Variants in CACNB4 observed in about 807,000 individuals in gnomAD.
The protein encoded by CACNB4 is calcium voltage-gated channel auxiliary subunit beta 4.
Under a neutral mutation model 71.2 loss-of-function variants are expected in CACNB4, and 32 were observed. The ratio of observed to expected loss-of-function variants is 0.45; its 90% CI spans 0.34 to 0.60. CACNB4 has a LOEUF of 0.60. CACNB4 is among the 20% of genes least tolerant of loss of function. The pLI is 0.01. For missense variants in CACNB4, 464 were observed against 647.9 expected, an observed-to-expected ratio of 0.72 and a Z score of 3.08; for synonymous variants, 231 against 236.9, an observed-to-expected ratio of 0.97 and a Z score of 0.23.
chr2:152,011,508 C>T (rs975518691), intron 2 of CACNB4, among the ~76,000 whole-genome samples: 1 of 152,194 alleles, frequency 6.6e-6, no homozygotes, highest in Non-Finnish European at 1.5e-5. Context: ...ATTCTTTGAA[C>T]CCTCATAGAA....
intron 2 of CACNB4, among the ~76,000 whole-genome samples, chr2:152,081,060 T>C (rs1247447869): frequency 1.3e-5 from 2 of 152,262 alleles, no homozygotes; most frequent in East Asian, 3.9e-4. Flanking sequence ...TCTTTATAAG[T>C]TACCCAGTCT....
intron 2 of CACNB4, among the ~76,000 whole-genome samples, chr2:152,096,922 G>C (rs1181680894): frequency 1.3e-5 from 2 of 152,146 alleles, no homozygotes; most frequent in Non-Finnish European, 2.9e-5. Flanking sequence ...TTGCAACAAT[G>C]AAACACCACT....
At chr2:151,994,450 C>T (rs1681923311) in intron 2 of CACNB4, among the ~76,000 whole-genome samples, 1 of 150,024 alleles carries the variant, frequency 6.7e-6, no homozygotes, top group African/African-American at 2.5e-5. Context: ...AAGTGATCTG[C>T]CCACCTTGGC....
intron 2 of CACNB4, among the ~76,000 whole-genome samples, chr2:152,047,581 CCT>C (rs1438314805): frequency 6.6e-6 from 1 of 152,136 alleles, no homozygotes; most frequent in Non-Finnish European, 1.5e-5. Context: ...GAAATGAACC[CCT>C]GCCTTTAAAA....
chr2:151,887,770 T>G (rs960769924), intron 2 of CACNB4, among the ~76,000 whole-genome samples: 1 of 152,180 alleles, frequency 6.6e-6, no homozygotes, highest in African/African-American at 2.4e-5. Context: ...TAATAATGTA[T>G]ACCTTGTAGA....
intron 2 of CACNB4, among the ~76,000 whole-genome samples, chr2:151,919,858 A>C (rs1370408080): frequency 6.6e-6 from 1 of 151,878 alleles, no homozygotes; most frequent in Non-Finnish European, 1.5e-5. Context: ...ACAAACAACA[A>C]CAACAACAAC....
At chr2:152,065,294 G>A (rs553250196) in intron 2 of CACNB4, among the ~76,000 whole-genome samples, 2 of 151,776 alleles carry the variant, frequency 1.3e-5, no homozygotes, top group East Asian at 3.9e-4. Context: ...TGAGGCAGGA[G>A]AATCACTTGA....
chr2:151,979,523 T>C (rs1001608558), intron 2 of CACNB4, among the ~76,000 whole-genome samples: 1 of 152,066 alleles, frequency 6.6e-6, no homozygotes, highest in Admixed American at 6.5e-5. Context: ...TTTTCATGAA[T>C]GCTACCCAAC....
At chr2:152,074,572 A>G (rs972997619) in intron 2 of CACNB4, among the ~76,000 whole-genome samples, 4 of 149,158 alleles carry the variant, frequency 2.7e-5, no homozygotes, top group Non-Finnish European at 4.5e-5. Context: ...CTGTCACCAC[A>G]GCATAATCAC....
chr2:151,860,447 T>C, intron 10 of CACNB4: 1 of 481,142 alleles, frequency 2.1e-6, no homozygotes, highest in Non-Finnish European at 3.7e-6. Flanking sequence ...TTCATGTAGT[T>C]AGGCAGGAAA....
intron 2 of CACNB4, among the ~76,000 whole-genome samples, chr2:152,085,062 A>G (rs1687576701): frequency 6.6e-6 from 1 of 152,206 alleles, no homozygotes; most frequent in African/African-American, 2.4e-5. Context: ...AGATTCACAG[A>G]GAATATTGAA....
chr2:152,089,234 C>T (rs1468335000), intron 2 of CACNB4, among the ~76,000 whole-genome samples: 1 of 152,218 alleles, frequency 6.6e-6, no homozygotes, highest in Non-Finnish European at 1.5e-5. Flanking sequence ...AAAAGCAGGA[C>T]AATACTGACT....
intron 2 of CACNB4, among the ~76,000 whole-genome samples, chr2:151,912,415 T>C (rs947231650): frequency 1.3e-5 from 2 of 152,260 alleles, no homozygotes; most frequent in African/African-American, 4.8e-5. Flanking sequence ...TGCCTTAATT[T>C]CATTATTTAC....
At chr2:151,964,471 T>G (rs968544509) in intron 2 of CACNB4, among the ~76,000 whole-genome samples, 4 of 152,194 alleles carry the variant, frequency 2.6e-5, no homozygotes, top group African/African-American at 9.7e-5. Flanking sequence ...TTTTTTACAG[T>G]CTATGGTTTT....
At chr2:151,963,863 T>A (rs966161053) in intron 2 of CACNB4, among the ~76,000 whole-genome samples, 15 of 151,634 alleles carry the variant, frequency 9.9e-5, no homozygotes, top group Admixed American at 9.8e-4. Flanking sequence ...AGGTCAGGAG[T>A]TCGAGACCAG....
At chr2:151,906,378 A>G (rs981622787) in intron 2 of CACNB4, among the ~76,000 whole-genome samples, 6 of 152,216 alleles carry the variant, frequency 3.9e-5, no homozygotes, top group Non-Finnish European at 8.8e-5. Flanking sequence ...TGTCTTATGC[A>G]TTATTTGTAA....
At chr2:152,030,631 T>C (rs1171055967) in intron 2 of CACNB4, among the ~76,000 whole-genome samples, 2 of 152,184 alleles carry the variant, frequency 1.3e-5, no homozygotes, top group Non-Finnish European at 2.9e-5. Context: ...CAGTGTGTGA[T>C]GTTCCCCTTC....
chr2:152,035,624 C>T (rs866566980), intron 2 of CACNB4, among the ~76,000 whole-genome samples: 313 of 30,260 alleles, frequency 0.01, 1 homozygote, highest in South Asian at 0.02. Flanking sequence ...TCTCTCCCTC[C>T]CTCTCCCTCT....
At chr2:151,976,931 C>T (rs1228246303) in intron 2 of CACNB4, among the ~76,000 whole-genome samples, 3 of 152,162 alleles carry the variant, frequency 2.0e-5, no homozygotes, top group Non-Finnish European at 4.4e-5. Flanking sequence ...TTCACTGCAG[C>T]AGGTAGTGAA....
Sources: gnomAD v4.1 joint callset for allele counts (sites outside exome capture counted in the v4.1 genomes callset) on GRCh38, gnomAD v4.1.1 for gene constraint, MANE v1.5 for transcripts, NCBI Gene and HGNC (gene_info 2026-07-23, HGNC 2026-07-21) for gene names.